SYN3: variants seen among roughly 807,000 people sequenced by gnomAD.
The protein encoded by SYN3 is synapsin-3.
In SYN3, 35 loss-of-function variants were observed where a neutral mutation model predicts 65.8. That is an observed-to-expected ratio of 0.53 (90% CI 0.41 to 0.70). The LOEUF is 0.70. Among genes scored for constraint, SYN3 ranks in the 30% least tolerant of loss-of-function variants. SYN3 has a pLI of 0.00. For missense variants in SYN3, 680 were observed against 749.0 expected, an observed-to-expected ratio of 0.91 and a Z score of 1.08; for synonymous variants, 270 against 292.9, an observed-to-expected ratio of 0.92 and a Z score of 0.80.
At chr22:32,917,221 C>T (rs1168992344) in intron 4 of SYN3, among the ~76,000 whole-genome samples, 5 of 152,124 alleles carry the variant, frequency 3.3e-5, no homozygotes, top group African/African-American at 7.2e-5. Context: ...AAACAGCAAA[C>T]GGGAAGTCAA....
chr22:33,004,436 T>C (rs142439620), intron 2 of SYN3, among the ~76,000 whole-genome samples: 282 of 152,356 alleles, frequency 1.9e-3, no homozygotes, highest in Middle Eastern at 0.01. Context: ...ATGTGAGACA[T>C]GGAGTCAAAG....
chr22:32,639,893 T>C (rs967159653), intron 6 of SYN3, among the ~76,000 whole-genome samples: 1 of 152,178 alleles, frequency 6.6e-6, no homozygotes, highest in Non-Finnish European at 1.5e-5. Flanking sequence ...AGCACTGAAT[T>C]GGATGACACT....
intron 6 of SYN3, among the ~76,000 whole-genome samples, chr22:32,628,395 C>T (rs568625396): frequency 1.3e-5 from 2 of 152,194 alleles, no homozygotes; most frequent in East Asian, 1.9e-4. Flanking sequence ...GAGGAAGAGG[C>T]CCTGGAAGGA....
intron 6 of SYN3, among the ~76,000 whole-genome samples, chr22:32,838,517 A>C (rs1164837024): frequency 6.6e-6 from 1 of 152,100 alleles, no homozygotes; most frequent in Non-Finnish European, 1.5e-5. Context: ...TGGGATCTTC[A>C]TGTGTTGGTA....
At chr22:32,773,338 CGGA>C (rs2045822347) in intron 6 of SYN3, among the ~76,000 whole-genome samples, 1 of 144,062 alleles carries the variant, frequency 6.9e-6, no homozygotes, top group South Asian at 2.4e-4. Context: ...ACCCTGGAGG[CGGA>C]GGTTGCAGTG....
chr22:32,826,291 G>A (rs2047410882), intron 6 of SYN3, among the ~76,000 whole-genome samples: 1 of 152,136 alleles, frequency 6.6e-6, no homozygotes. Context: ...TTAGCTGGGT[G>A]TGGTGGTGAC....
chr22:32,597,173 T>C (rs1396103854), intron 6 of SYN3, among the ~76,000 whole-genome samples: 1 of 151,400 alleles, frequency 6.6e-6, no homozygotes, highest in Non-Finnish European at 1.5e-5. Flanking sequence ...AGCTTAATTA[T>C]TCCTGGCATA....
chr22:32,786,879 A>G (rs1339153687), intron 6 of SYN3, among the ~76,000 whole-genome samples: 2 of 151,922 alleles, frequency 1.3e-5, no homozygotes, highest in East Asian at 3.9e-4. Flanking sequence ...GCTTGGCTAC[A>G]ATAAAGAGGG....
At chr22:32,923,518 CA>C (rs1474052502) in intron 4 of SYN3, among the ~76,000 whole-genome samples, 2 of 152,186 alleles carry the variant, frequency 1.3e-5, no homozygotes, top group African/African-American at 4.8e-5. Context: ...ACCTTGGTCA[CA>C]ATGCATACTG....
intron 7 of SYN3, among the ~76,000 whole-genome samples, chr22:32,569,563 C>CTGTATATATATATATA (rs373627613): frequency 5.7e-5 from 3 of 52,878 alleles, no homozygotes; most frequent in African/African-American, 1.7e-4. Flanking sequence ...CTCTCTCTCT[C>CTGTATATATATATATA]TCTCTCTCTA....
intron 7 of SYN3, among the ~76,000 whole-genome samples, chr22:32,551,143 A>G (rs554024636): frequency 3.9e-5 from 6 of 152,334 alleles, no homozygotes; most frequent in South Asian, 2.1e-4. Flanking sequence ...TTAGGACATC[A>G]TCCTTCTGCA....
chr22:33,001,632 A>C (rs2053061677), intron 2 of SYN3, among the ~76,000 whole-genome samples: 1 of 152,236 alleles, frequency 6.6e-6, no homozygotes, highest in Admixed American at 6.5e-5. Flanking sequence ...GAAGGATCAC[A>C]ATAGTCAGCA....
intron 1 of SYN3, among the ~76,000 whole-genome samples, chr22:33,044,422 G>T (rs931517479): frequency 1.3e-5 from 2 of 152,126 alleles, no homozygotes; most frequent in African/African-American, 4.8e-5. Flanking sequence ...AGGAGCTGAT[G>T]AATTGCTTCA....
chr22:32,598,187 C>T (rs2059230412), intron 6 of SYN3, among the ~76,000 whole-genome samples: 1 of 152,190 alleles, frequency 6.6e-6, no homozygotes, highest in South Asian at 2.1e-4. Context: ...AGGAACGCAG[C>T]CTTGCCCTCT....
chr22:32,889,558 T>C (rs2049385667), intron 4 of SYN3, among the ~76,000 whole-genome samples: 1 of 152,220 alleles, frequency 6.6e-6, no homozygotes, highest in Non-Finnish European at 1.5e-5. Flanking sequence ...GATGTAAAGA[T>C]AATGTTTACA....
rs138536656 is a variant in SYN3 at position 32,943,814 on chromosome 22, C to T, written c.370-12333G>A. 6.1e-4 allele frequency among the ~76,000 whole-genome samples: 93 copies of T among 152,262 alleles called. No homozygotes were observed. In the East Asian group the frequency reaches 0.017, roughly 27 times the overall value. On this transcript the variant is annotated intron_variant, in intron 3 of 13. Coordinates refer to ENST00000358763, the MANE Select transcript of SYN3 (RefSeq NM_003490.4). ...GTTGCAATCCTAGTCTCTGATAAAA[C>T]AGACTTTAAACCGGCAAAGATCAAA...
chr22:33,019,614 T>C (rs1015506653), intron 1 of SYN3, among the ~76,000 whole-genome samples: 1 of 152,180 alleles, frequency 6.6e-6, no homozygotes, highest in Admixed American at 6.5e-5. Flanking sequence ...GCTCCTGCTG[T>C]TATTTATTTA....
At chr22:32,910,134 G>A (rs772991275) in intron 4 of SYN3, among the ~76,000 whole-genome samples, 61 of 152,106 alleles carry the variant, frequency 4.0e-4, no homozygotes, top group Non-Finnish European at 6.6e-4. Flanking sequence ...CACTGAGCAC[G>A]CTACTTGCCC....
At chr22:32,715,792 A>T (rs2147267723) in intron 6 of SYN3, among the ~76,000 whole-genome samples, 1 of 152,016 alleles carries the variant, frequency 6.6e-6, no homozygotes, top group Middle Eastern at 3.4e-3. Flanking sequence ...AAAAAAAAAA[A>T]AAAAAAAAAG....
Sources: allele counts gnomAD v4.1 joint callset (sites outside exome capture counted in the v4.1 genomes callset), GRCh38; gene constraint gnomAD v4.1.1; transcripts MANE v1.5; gene names NCBI Gene and HGNC (gene_info 2026-07-23, HGNC 2026-07-21).